The following DDX59 variants were observed in gnomAD, a reference collection of about 807,000 sequenced individuals.
The protein encoded by DDX59 is probable ATP-dependent RNA helicase DDX59.
In DDX59, 30 loss-of-function variants were observed where a neutral mutation model predicts 51.9. That is an observed-to-expected ratio of 0.58 (90% CI 0.43 to 0.78). The LOEUF is 0.78. Ranked by LOEUF, DDX59 falls within the 30% of genes least tolerant of loss-of-function variation. The pLI, the probability that DDX59 is intolerant of heterozygous loss-of-function variation, is 0.00. For missense variants in DDX59, 672 were observed against 730.8 expected, an observed-to-expected ratio of 0.92 and a Z score of 0.93; for synonymous variants, 255 against 253.3, an observed-to-expected ratio of 1.01 and a Z score of -0.06.
chr1:200,646,483 C>A (rs1276879979), intron 7 of DDX59, among the ~76,000 whole-genome samples: 1 of 151,980 alleles, frequency 6.6e-6, no homozygotes, highest in Non-Finnish European at 1.5e-5. Flanking sequence ...AAAGAAGTTA[C>A]AAAAATGATC....
chr1:200,667,347 G>T (rs1662837539), intron 1 of DDX59, among the ~76,000 whole-genome samples: 1 of 152,216 alleles, frequency 6.6e-6, no homozygotes, highest in Admixed American at 6.5e-5. Flanking sequence ...GTTGCGGTGA[G>T]CCTAAGACCT....
chr1:200,660,726 AAC>A (rs1218701010), intron 3 of DDX59, among the ~76,000 whole-genome samples: 28 of 152,192 alleles, frequency 1.8e-4, no homozygotes, highest in Non-Finnish European at 1.5e-5. Context: ...GATACAGAAA[AAC>A]ACACACTTAG....
At chr1:200,655,371 C>G (rs553662969) in intron 4 of DDX59, among the ~76,000 whole-genome samples, 111 of 133,024 alleles carry the variant, frequency 8.3e-4, no homozygotes, top group African/African-American at 2.7e-3. Flanking sequence ...GACCCCTTAC[C>G]CCTGTCTGGA....
In DDX59 at chr1:200,666,287, G is replaced by A. The variant is rs774120769; in HGVS notation, c.454C>T (p.Gln152Ter). The change falls in exon 2 of 8, where the codon CAG (glutamine) becomes TAG (stop). Residue 152 changes from glutamine to a stop codon, truncating the protein, a stop_gained. Coordinates refer to ENST00000331314, the MANE Select transcript of DDX59 (RefSeq NM_001031725.6). LOFTEE classifies it high-confidence loss of function. Reference sequence around the variant, plus strand: ...GACTCTGGCTCAGAATCAGCCTTCTGTGGATTGCTGAGTTTTGATTTCTCT... The same window carrying A: ...GACTCTGGCTCAGAATCAGCCTTCTATGGATTGCTGAGTTTTGATTTCTCT... ...KEEKSKLSNP[Q>*]KADSEPESPL... The A allele has an allele frequency of 6.2e-7, 1 of 1,614,220 alleles. No individual in the cohort carries two copies. The highest frequency in any genetic ancestry group is 8.5e-7 in the Non-Finnish European group (1 of 1,180,038).
chr1:200,666,825 G>A (rs1165145563), intron 1 of DDX59, 74 bp from the exon 2 acceptor site: 8 of 1,468,768 alleles, frequency 5.4e-6, no homozygotes, highest in Non-Finnish European at 7.3e-6. Flanking sequence ...ATATGATTAA[G>A]GACAAGGTGC....
intron 1 of DDX59, among the ~76,000 whole-genome samples, chr1:200,667,705 G>C (rs1206445904): frequency 4.6e-5 from 7 of 152,092 alleles, no homozygotes; most frequent in Admixed American, 4.6e-4. Context: ...ACAAATCATA[G>C]AGAAAATGCT....
chr1:200,653,310 T>C (rs1661788976), intron 4 of DDX59, among the ~76,000 whole-genome samples: 1 of 152,208 alleles, frequency 6.6e-6, no homozygotes, highest in Admixed American at 6.5e-5. Context: ...ATTTCCTTTC[T>C]GCCAAACCCA....
In DDX59 at chr1:200,644,164, T is replaced by C; in HGVS notation, c.*90A>G. On this transcript the variant is annotated 3_prime_UTR_variant, in exon 8 of 8. Transcript: ENST00000331314. ...ATTAAATTAAAAATATCTTAAAATT[T>C]TTAAAATTCATGTACATTTCCATTT... The C allele has an allele frequency of 2.9e-6, 3 of 1,035,838 alleles. No individual in the cohort carries two copies. The highest frequency in any genetic ancestry group is 3.7e-6 in the Non-Finnish European group (3 of 804,604). 64.2% of individuals were successfully genotyped at this position (1,035,838 alleles called of 1,614,324 possible). A position where few individuals can be genotyped will look rare whatever the true frequency, so the allele number is the denominator to read the frequency against.
At chr1:200,651,421 A>G (rs570040765) in intron 4 of DDX59, among the ~76,000 whole-genome samples, 2 of 152,252 alleles carry the variant, frequency 1.3e-5, no homozygotes, top group South Asian at 4.1e-4. Flanking sequence ...GTGCCCTTCT[A>G]AAAGAGGCTG....
At chr1:200,647,405 T>C (rs1661356545) in intron 7 of DDX59, among the ~76,000 whole-genome samples, 2 of 152,184 alleles carry the variant, frequency 1.3e-5, no homozygotes, top group African/African-American at 4.8e-5. Context: ...AGGATCAATT[T>C]TATTTTGGCC....
At chr1:200,655,274 T>A (rs1661945636) in intron 4 of DDX59, among the ~76,000 whole-genome samples, 1 of 152,176 alleles carries the variant, frequency 6.6e-6, no homozygotes, top group Non-Finnish European at 1.5e-5. Context: ...TCTTCCTCTC[T>A]CATCCTCAGG....
At chr1:200,644,970 T>A (rs930891520) in intron 7 of DDX59, among the ~76,000 whole-genome samples, 2 of 150,378 alleles carry the variant, frequency 1.3e-5, no homozygotes, top group African/African-American at 4.9e-5. Context: ...GAATTATGCA[T>A]CTCAATATAT....
intron 4 of DDX59, among the ~76,000 whole-genome samples, chr1:200,656,552 C>T (rs1662034046): frequency 6.6e-6 from 1 of 152,190 alleles, no homozygotes; most frequent in African/African-American, 2.4e-5. Context: ...CAGTATATAA[C>T]TGATTATGTT....
intron 3 of DDX59, among the ~76,000 whole-genome samples, chr1:200,661,284 C>G (rs1662357719): frequency 6.6e-6 from 1 of 151,982 alleles, no homozygotes; most frequent in Non-Finnish European, 1.5e-5. Context: ...TGAGTCCATA[C>G]AGATATAAAT....
chr1:200,648,189 A>G (rs1459872939), intron 7 of DDX59, among the ~76,000 whole-genome samples: 2 of 148,980 alleles, frequency 1.3e-5, no homozygotes, highest in Non-Finnish European at 3.0e-5. Flanking sequence ...ATACCAGGCT[A>G]AATTTTTTTT....
downstream of DDX59, chr1:200,641,051 C>G: frequency 1.6e-6 from 1 of 613,652 alleles, no homozygotes; most frequent in South Asian, 1.6e-5. Context: ...TATGCCTTGG[C>G]GGCAACAAAA....
At chr1:200,654,523 G>C (rs1359618443) in intron 4 of DDX59, 1 of 152,200 alleles carries the variant, frequency 6.6e-6, no homozygotes, top group African/African-American at 2.4e-5. Flanking sequence ...GGTCTCGTCT[G>C]ATGGTCACTA....
chr1:200,650,921 A>G (rs969181174), intron 4 of DDX59, among the ~76,000 whole-genome samples: 7 of 152,316 alleles, frequency 4.6e-5, no homozygotes, highest in Middle Eastern at 3.4e-3. Flanking sequence ...AGCTATATAC[A>G]TTCTAAATAT....
At chr1:200,657,052 C>A (rs1393804915) in intron 4 of DDX59, among the ~76,000 whole-genome samples, 1 of 151,954 alleles carries the variant, frequency 6.6e-6, no homozygotes, top group East Asian at 1.9e-4. Context: ...GAATTTGAGA[C>A]CAGCCTGGCC....
Sources: gnomAD v4.1 joint callset for allele counts (sites outside exome capture counted in the v4.1 genomes callset) on GRCh38, gnomAD v4.1.1 for gene constraint, MANE v1.5 for transcripts, NCBI Gene and HGNC (gene_info 2026-07-23, HGNC 2026-07-21) for gene names.